The following CACNA2D1 variants were observed in gnomAD, a reference collection of about 807,000 sequenced individuals.
CACNA2D1 encodes the protein calcium voltage-gated channel auxiliary subunit alpha2delta 1, also known as voltage-dependent calcium channel subunit alpha-2/delta-1.
CACNA2D1 carries 53 observed loss-of-function variants against 171.5 expected under a neutral mutation model. The observed-to-expected ratio is 0.31, with a 90% CI of 0.25 to 0.39. CACNA2D1 has a LOEUF of 0.39. Ranked by LOEUF, CACNA2D1 falls within the 10% of genes least tolerant of loss-of-function variation. The pLI is 1.00. For synonymous variants in CACNA2D1, 442 were observed against 443.1 expected, an observed-to-expected ratio of 1.00 and a Z score of 0.03; for missense variants, 903 against 1,299.8, an observed-to-expected ratio of 0.69 and a Z score of 4.69.
intron 1 of CACNA2D1, among the ~76,000 whole-genome samples, chr7:82,442,967 A>T (rs1228035598): frequency 2.6e-5 from 4 of 152,234 alleles, no homozygotes; most frequent in Non-Finnish European, 5.9e-5. Context: ...CCTGTTTGTA[A>T]ATTACCCAAC....
intron 3 of CACNA2D1, among the ~76,000 whole-genome samples, chr7:82,239,031 T>C (rs2129291301): frequency 6.6e-6 from 1 of 152,256 alleles, no homozygotes; most frequent in Non-Finnish European, 1.5e-5. Flanking sequence ...GTAAGTAATA[T>C]ATTCAACTGA....
At chr7:82,087,560 TA>T (rs34472151) in intron 6 of CACNA2D1, among the ~76,000 whole-genome samples, 42,365 of 144,584 alleles carry the variant, frequency 0.29, 6,720 homozygotes, top group East Asian at 0.36. Flanking sequence ...TGAAAGCAGC[TA>T]AAAAAAAAAA....
At chr7:82,076,531 A>T (rs1020487356) in intron 7 of CACNA2D1, among the ~76,000 whole-genome samples, 7 of 152,172 alleles carry the variant, frequency 4.6e-5, no homozygotes, top group Non-Finnish European at 1.0e-4. Context: ...TTTTTAAAAA[A>T]TAAAGTCTGA....
chr7:82,175,494 C>T (rs2190265), intron 3 of CACNA2D1, among the ~76,000 whole-genome samples: 4,542 of 152,076 alleles, frequency 0.03, 234 homozygotes, highest in African/African-American at 0.1. Context: ...GGAGTTTCAC[C>T]TACTATCTTC....
At chr7:82,288,489 G>C (rs1473364538) in intron 3 of CACNA2D1, among the ~76,000 whole-genome samples, 1 of 151,582 alleles carries the variant, frequency 6.6e-6, no homozygotes, top group Non-Finnish European at 1.5e-5. Context: ...TTAACAAAGA[G>C]TTATTGAATT....
rs1015616117 is a variant in CACNA2D1 at position 82,267,855 on chromosome 7, GGCGTGGTGGCGGGT to G, written c.294+67266_294+67279del. Reference sequence around the variant, plus strand: ...TAAAAATACAAAAAGAAATTAGCCGGGCGTGGTGGCGGGTGCCTGTAGTCTCAGCTACTCGGGAG... The same window carrying G: ...TAAAAATACAAAAAGAAATTAGCCGGGCCTGTAGTCTCAGCTACTCGGGAG... On this transcript the variant is annotated intron_variant, in intron 3 of 38. Transcript: ENST00000356860. Among the ~76,000 whole-genome samples, 21 of 152,130 alleles carry G rather than the reference GGCGTGGTGGCGGGT, an allele frequency of 1.4e-4. 1 individual carries two copies. The highest frequency in any genetic ancestry group is 1.4e-3 in the Admixed American group (21 of 15,274).
intron 4 of CACNA2D1, among the ~76,000 whole-genome samples, chr7:82,149,652 T>C (rs1793557450): frequency 6.6e-6 from 1 of 151,714 alleles, no homozygotes; most frequent in Admixed American, 6.6e-5. Context: ...AGTATGTGCT[T>C]GGCCGGGTGC....
intron 3 of CACNA2D1, among the ~76,000 whole-genome samples, chr7:82,181,360 T>C (rs1436359638): frequency 2.0e-5 from 3 of 152,178 alleles, no homozygotes; most frequent in Non-Finnish European, 4.4e-5. Context: ...AATTCTTTGG[T>C]GACTCTGCAT....
intron 1 of CACNA2D1, among the ~76,000 whole-genome samples, chr7:82,378,319 A>C (rs1301572982): frequency 6.6e-6 from 1 of 152,170 alleles, no homozygotes; most frequent in Non-Finnish European, 1.5e-5. Flanking sequence ...GGATCATTGG[A>C]GCCCAGGAAG....
intron 1 of CACNA2D1, among the ~76,000 whole-genome samples, chr7:82,356,323 C>A (rs1374629300): frequency 1.3e-5 from 2 of 152,094 alleles, no homozygotes; most frequent in Non-Finnish European, 2.9e-5. Context: ...TGTTGACTGT[C>A]CTTTTCCACA....
intron 3 of CACNA2D1, among the ~76,000 whole-genome samples, chr7:82,316,516 A>C (rs1254741568): frequency 6.6e-6 from 1 of 152,128 alleles, no homozygotes; most frequent in Non-Finnish European, 1.5e-5. Flanking sequence ...TGCTTATAAG[A>C]TTTTTCCCTC....
At chr7:82,240,111 A>G (rs1355414721) in intron 3 of CACNA2D1, among the ~76,000 whole-genome samples, 2 of 152,172 alleles carry the variant, frequency 1.3e-5, no homozygotes, top group African/African-American at 4.8e-5. Flanking sequence ...TAGGGCATCT[A>G]TGGAATAAGA....
At chr7:82,134,044 G>A (rs1036426940) in intron 5 of CACNA2D1, among the ~76,000 whole-genome samples, 8 of 151,806 alleles carry the variant, frequency 5.3e-5, no homozygotes, top group Non-Finnish European at 1.0e-4. Context: ...CTGTACTCCA[G>A]CCTGGGCGAC....
intron 3 of CACNA2D1, among the ~76,000 whole-genome samples, chr7:82,331,066 T>C (rs1563378564): frequency 6.6e-6 from 1 of 152,126 alleles, no homozygotes; most frequent in South Asian, 2.1e-4. Flanking sequence ...ATATTAAAGT[T>C]TAAGAAGCAC....
At chr7:82,178,419 C>A (rs534989619) in intron 3 of CACNA2D1, among the ~76,000 whole-genome samples, 2 of 152,012 alleles carry the variant, frequency 1.3e-5, no homozygotes, top group Non-Finnish European at 2.9e-5. Context: ...GGGTCTACAG[C>A]GCAAAATAAA....
intron 3 of CACNA2D1, among the ~76,000 whole-genome samples, chr7:82,293,891 G>C (rs900351244): frequency 6.6e-6 from 1 of 152,046 alleles, no homozygotes; most frequent in East Asian, 1.9e-4. Flanking sequence ...TTTCCCAATA[G>C]AAATATTTAT....
chr7:82,272,151 C>T (rs1808717298), intron 3 of CACNA2D1, among the ~76,000 whole-genome samples: 1 of 152,006 alleles, frequency 6.6e-6, no homozygotes, highest in African/African-American at 2.4e-5. Flanking sequence ...TTCTATAAAA[C>T]ATAAATAGAA....
At chr7:82,092,897 A>G (rs1811385722) in intron 6 of CACNA2D1, among the ~76,000 whole-genome samples, 1 of 152,200 alleles carries the variant, frequency 6.6e-6, no homozygotes, top group Non-Finnish European at 1.5e-5. Context: ...CGTTTAAAAA[A>G]ACATCAGAAA....
intron 3 of CACNA2D1, among the ~76,000 whole-genome samples, chr7:82,271,291 ACAGT>A (rs1303108639): frequency 6.6e-6 from 1 of 152,106 alleles, no homozygotes; most frequent in East Asian, 1.9e-4. Context: ...CATGATGTAC[ACAGT>A]CATTCAATCT....
Sources: allele counts gnomAD v4.1 joint callset (sites outside exome capture counted in the v4.1 genomes callset), GRCh38; gene constraint gnomAD v4.1.1; transcripts MANE v1.5; gene names NCBI Gene and HGNC (gene_info 2026-07-23, HGNC 2026-07-21).